The following MARK1 variants were observed in gnomAD, a reference collection of about 807,000 sequenced individuals.
MARK1 encodes serine/threonine-protein kinase MARK1.
A neutral mutation model predicts 96.3 loss-of-function variants in MARK1; 40 were observed. The observed-to-expected ratio is 0.42, with a 90% CI of 0.32 to 0.54. The LOEUF is 0.54. Among genes scored for constraint, MARK1 ranks in the 20% least tolerant of loss-of-function variants. The probability of loss-of-function intolerance (pLI) is 0.16; values close to 1 mark genes in which losing one functional copy is unlikely to be tolerated. For missense variants in MARK1, 719 were observed against 984.6 expected, an observed-to-expected ratio of 0.73 and a Z score of 3.61; for synonymous variants, 317 against 341.2, an observed-to-expected ratio of 0.93 and a Z score of 0.78.
chr1:220,634,298 A>C (rs1439375746), intron 11 of MARK1, among the ~76,000 whole-genome samples: 1 of 152,230 alleles, frequency 6.6e-6, no homozygotes, highest in Non-Finnish European at 1.5e-5. Context: ...ATTTAAATGA[A>C]GTATGAATTG....
intron 1 of MARK1, among the ~76,000 whole-genome samples, chr1:220,553,626 C>T (rs1024564340): frequency 3.9e-5 from 6 of 152,154 alleles, no homozygotes; most frequent in South Asian, 2.1e-4. Flanking sequence ...CTTGATGAAT[C>T]GGACAACACC....
chr1:220,647,586 A>G (rs1164020695), intron 13 of MARK1, among the ~76,000 whole-genome samples: 1 of 152,196 alleles, frequency 6.6e-6, no homozygotes, highest in Non-Finnish European at 1.5e-5. Flanking sequence ...ATAAAGGTTC[A>G]TGCACACTTA....
intron 3 of MARK1, among the ~76,000 whole-genome samples, chr1:220,594,088 T>C (rs1665167559): frequency 6.6e-6 from 1 of 152,220 alleles, no homozygotes; most frequent in African/African-American, 2.4e-5. Context: ...CAACAAGATA[T>C]TTAATGAACA....
rs552665811 is a variant in MARK1 at position 220,542,110 on chromosome 1, C to G, written c.51+13237C>G. Among the ~76,000 whole-genome samples, 3 of 152,274 alleles carry G rather than the reference C, an allele frequency of 2.0e-5. No individual in the cohort carries two copies. The East Asian group carries it at 5.8e-4, about 29-fold the overall frequency. On this transcript the variant is annotated intron_variant, in intron 1 of 17. Transcript: ENST00000366917. ...TCCGTGCTCCACTCTTTTTCCCCAT[C>G]TGTTGAATTTTTAATTTCATTTATC...
chr1:220,576,972 T>C (rs1663903769), intron 1 of MARK1, among the ~76,000 whole-genome samples: 1 of 152,038 alleles, frequency 6.6e-6, no homozygotes, highest in African/African-American at 2.4e-5. Context: ...TCTTGAAAGA[T>C]GAATGGCCAG....
chr1:220,571,289 G>T (rs1024966679), intron 1 of MARK1, among the ~76,000 whole-genome samples: 1 of 152,090 alleles, frequency 6.6e-6, no homozygotes, highest in Non-Finnish European at 1.5e-5. Flanking sequence ...CAACTTAAAA[G>T]CTCACAGTTT....
rs1264175040 is a variant in MARK1 at position 220,528,209 on chromosome 1, C to T, written c.-614C>T. ...CTGCTCCGCGCGCAGCCGGCTCGGG[C>T]CGCTCCTCCTGACTGAGGCGCGGCG... On this transcript the variant is annotated 5_prime_UTR_variant, in exon 1 of 18. Coordinates refer to ENST00000366917, the MANE Select transcript of MARK1 (RefSeq NM_018650.5). The T allele has an allele frequency of 6.6e-6, 1 of 150,406 alleles. No individual in the cohort carries two copies. The highest frequency in any genetic ancestry group is 1.5e-5 in the Non-Finnish European group (1 of 67,412). The allele number at this position is 150,406 out of a possible 1,614,324, so 9.3% of individuals were successfully genotyped here.
At chr1:220,617,055 C>T (rs1474016969) in intron 7 of MARK1, among the ~76,000 whole-genome samples, 1 of 152,084 alleles carries the variant, frequency 6.6e-6, no homozygotes, top group Non-Finnish European at 1.5e-5. Flanking sequence ...TTTAGAGAGA[C>T]TGAAAAAAGT....
rs1013813115 is a variant in MARK1 at position 220,618,940 on chromosome 1, T to C, written c.909+185T>C. ...CAAAAGTTGCCACAGTAGCTGTCTC[T>C]AAAAACTATTATTTCCTCTTTGTTC... On this transcript the variant is annotated intron_variant, in intron 9 of 17. Transcript: ENST00000366917. This position sits in a 1 kb window ranked among gnomAD's most constrained non-coding sequence, Gnocchi z 4.6. Among the ~76,000 whole-genome samples, 1 of 152,202 alleles carries C rather than the reference T, an allele frequency of 6.6e-6. No individual in the cohort carries two copies. The highest frequency in any genetic ancestry group is 1.5e-5 in the Non-Finnish European group (1 of 68,032).
chr1:220,618,642 C>T lies in MARK1; in HGVS notation c.796C>T (p.Arg266Ter). Residue 266 changes from arginine (R) to a stop codon, truncating the protein, a stop_gained, in exon 9 of 18, where the codon CGA (arginine) becomes TGA (stop). Coordinates refer to ENST00000366917, the MANE Select transcript of MARK1 (RefSeq NM_018650.5). LOFTEE classifies it high-confidence loss of function. This position sits in a 1 kb window ranked among gnomAD's most constrained non-coding sequence, Gnocchi z 4.6. ...TTCTTTCACTTTTATTAAGGAACTGCGAGAGCGAGTTTTACGAGGGAAGTA... is the reference window on the plus strand; with the variant it reads ...TTCTTTCACTTTTATTAAGGAACTGTGAGAGCGAGTTTTACGAGGGAAGTA... ...PFDGQNLKEL[R>*]ERVLRGKYRI... 1 of 1,613,558 alleles carries T rather than the reference C, an allele frequency of 6.2e-7. No individual in the cohort carries two copies. The highest frequency in any genetic ancestry group is 8.5e-7 in the Non-Finnish European group (1 of 1,179,852).
At chr1:220,584,534 ATGT>A (rs1664464059) in intron 3 of MARK1, among the ~76,000 whole-genome samples, 1 of 152,234 alleles carries the variant, frequency 6.6e-6, no homozygotes, top group Admixed American at 6.5e-5. Flanking sequence ...GTTATATAAA[ATGT>A]TGTCAAATGG....
intron 16 of MARK1, 77 bp from the exon 17 acceptor site, chr1:220,657,713 A>G (rs934305140): frequency 3.3e-5 from 36 of 1,080,908 alleles, no homozygotes; most frequent in Non-Finnish European, 4.2e-5. Flanking sequence ...GCTAATTTTA[A>G]AATAATTTTA....
At chr1:220,647,274 C>A (rs1668633653) in intron 13 of MARK1, among the ~76,000 whole-genome samples, 1 of 152,098 alleles carries the variant, frequency 6.6e-6, no homozygotes, top group African/African-American at 2.4e-5. Context: ...AGAAGACATA[C>A]ACATGGCCAA....
intron 6 of MARK1, among the ~76,000 whole-genome samples, chr1:220,610,177 C>T (rs1007013406): frequency 2.0e-5 from 3 of 152,218 alleles, no homozygotes; most frequent in African/African-American, 7.2e-5. Flanking sequence ...CTGTCACTTT[C>T]AGGTACACCA....
intron 1 of MARK1, among the ~76,000 whole-genome samples, chr1:220,559,491 C>T (rs1355190915): frequency 6.6e-6 from 1 of 151,974 alleles, no homozygotes; most frequent in Non-Finnish European, 1.5e-5. Flanking sequence ...AGAAATAGGC[C>T]CATAGTTGGA....
chr1:220,630,125 T>TTTTTTTTG (rs1667590464), intron 9 of MARK1, among the ~76,000 whole-genome samples: 1 of 152,192 alleles, frequency 6.6e-6, no homozygotes. Flanking sequence ...CTTGTTTTTT[T>TTTTTTTTG]GATAGTGGCC....
intron 1 of MARK1, among the ~76,000 whole-genome samples, chr1:220,561,143 A>G (rs539179564): frequency 1.6e-4 from 25 of 152,130 alleles, no homozygotes; most frequent in Admixed American, 4.6e-4. Context: ...ACAGGGATGA[A>G]TGGTAGTGAG....
chr1:220,587,293 CT>C (rs1664691024), intron 3 of MARK1, among the ~76,000 whole-genome samples: 1 of 146,768 alleles, frequency 6.8e-6, no homozygotes, highest in East Asian at 2.0e-4. Flanking sequence ...TCCTTCCTTC[CT>C]TCCTTCCTCC....
intron 1 of MARK1, among the ~76,000 whole-genome samples, chr1:220,534,739 C>A (rs1015899486): frequency 6.6e-6 from 1 of 152,090 alleles, no homozygotes; most frequent in African/African-American, 2.4e-5. Flanking sequence ...ATGAGTTTGA[C>A]TACTTTAGAT....
Sources: gnomAD v4.1 joint callset for allele counts (sites outside exome capture counted in the v4.1 genomes callset) on GRCh38, gnomAD v4.1.1 for gene constraint, Gnocchi (gnomAD v3.1) non-coding constraint, MANE v1.5 for transcripts, NCBI Gene and HGNC (gene_info 2026-07-23, HGNC 2026-07-21) for gene names.